Variants in KDM4B observed in about 807,000 individuals in gnomAD.
KDM4B encodes lysine demethylase 4B, also known as lysine-specific demethylase 4B.
In KDM4B, 32 loss-of-function variants were observed where a neutral mutation model predicts 125.2. The ratio of observed to expected loss-of-function variants is 0.26; its 90% CI spans 0.19 to 0.34. KDM4B has a LOEUF of 0.34. Among genes scored for constraint, KDM4B ranks in the 10% least tolerant of loss-of-function variants. KDM4B has a pLI of 1.00. For synonymous variants in KDM4B, 721 were observed against 677.9 expected, an observed-to-expected ratio of 1.06 and a Z score of -0.99; for missense variants, 1,190 against 1,577.7, an observed-to-expected ratio of 0.75 and a Z score of 4.16.
chr19:5,064,845 T>C (rs898472481), intron 6 of KDM4B, among the ~76,000 whole-genome samples: 2 of 152,102 alleles, frequency 1.3e-5, no homozygotes, highest in African/African-American at 4.8e-5. Context: ...GGTGGGGACA[T>C]GTGTGGCCGG....
intron 1 of KDM4B, among the ~76,000 whole-genome samples, chr19:4,972,188 T>G (rs1388373290): frequency 6.6e-6 from 1 of 152,192 alleles, no homozygotes; most frequent in Non-Finnish European, 1.5e-5. Flanking sequence ...CTGGTGGTCT[T>G]GACGACGTCT....
intron 1 of KDM4B, among the ~76,000 whole-genome samples, chr19:5,013,442 A>G (rs2035791635): frequency 6.6e-6 from 1 of 152,094 alleles, no homozygotes; most frequent in African/African-American, 2.4e-5. Context: ...GTGGCTGAAA[A>G]CAGCACCCGT....
chr19:5,084,861 C>T lies in KDM4B; in HGVS notation c.918+2357C>T, dbSNP rs376620232. Among the ~76,000 whole-genome samples, 28 of 151,560 alleles carry T rather than the reference C, an allele frequency of 1.8e-4. No homozygotes were observed. In the South Asian group the frequency reaches 5.4e-3, roughly 29 times the overall value. Reference sequence around the variant, plus strand: ...CTGTTTCATTTTACCCACCCTCCCCCGCCCGCCGCCCCGGCCCACCCTTTT... The same window carrying T: ...CTGTTTCATTTTACCCACCCTCCCCTGCCCGCCGCCCCGGCCCACCCTTTT... On this transcript the variant is annotated intron_variant, in intron 9 of 22. Transcript: ENST00000159111.
intron 1 of KDM4B, among the ~76,000 whole-genome samples, chr19:4,976,938 C>G (rs2034467439): frequency 6.6e-6 from 1 of 152,248 alleles, no homozygotes; most frequent in African/African-American, 2.4e-5. Flanking sequence ...TACGGTCATG[C>G]TTTCTTTCCT....
At chr19:5,050,556 C>T (rs1016065969) in intron 6 of KDM4B, among the ~76,000 whole-genome samples, 5 of 152,228 alleles carry the variant, frequency 3.3e-5, no homozygotes, top group African/African-American at 9.6e-5. Flanking sequence ...GTCCTGAAGG[C>T]TGTGCCCCAT....
At chr19:5,032,820 G>T (rs756681781) in intron 2 of KDM4B, 46 bp from the exon 3 acceptor site, 981 of 1,555,078 alleles carry the variant, frequency 6.3e-4, no homozygotes, top group Non-Finnish European at 7.8e-4. Context: ...CCAAGGGCTG[G>T]GCATGGCGGC....
At chr19:4,998,963 C>A (rs558264581) in intron 1 of KDM4B, among the ~76,000 whole-genome samples, 2 of 152,250 alleles carry the variant, frequency 1.3e-5, no homozygotes, top group Middle Eastern at 6.8e-3. Context: ...GTGATGTTAA[C>A]CTTGATCCTT....
At chr19:5,017,077 C>A (rs573802338) in intron 2 of KDM4B, among the ~76,000 whole-genome samples, 1 of 152,206 alleles carries the variant, frequency 6.6e-6, no homozygotes, top group African/African-American at 2.4e-5. Flanking sequence ...GCGGCGTCGC[C>A]CTTGGATTGT....
In KDM4B at chr19:5,115,662, C is replaced by T. The variant is rs551782106; in HGVS notation, c.1116-3991C>T. ...TGCACAGCAAAGAAGGGCAGAGCTC[C>T]GAGGAAAGAGGATGCAGTGAGTGCA... On this transcript the variant is annotated intron_variant, in intron 10 of 22. Coordinates refer to ENST00000159111, the MANE Select transcript of KDM4B (RefSeq NM_015015.3). This position sits in a 1 kb window ranked among gnomAD's most constrained non-coding sequence, Gnocchi z 4.2. Among the ~76,000 whole-genome samples the T allele has an allele frequency of 4.1e-4, 63 of 152,324 alleles. 1 individual carries two copies. The highest frequency in any genetic ancestry group is 1.4e-3 in the African/African-American group (57 of 41,568).
intron 11 of KDM4B, 26 bp from the exon 12 acceptor site, chr19:5,131,050 C>A: frequency 6.8e-7 from 1 of 1,472,928 alleles, no homozygotes; most frequent in East Asian, 2.3e-5. Flanking sequence ...GTTCTCCTCC[C>A]TGACCTCCCT....
At chr19:5,018,084 G>A (rs2035950038) in intron 2 of KDM4B, among the ~76,000 whole-genome samples, 2 of 152,124 alleles carry the variant, frequency 1.3e-5, no homozygotes, top group South Asian at 4.1e-4. Flanking sequence ...TGTCACCCAG[G>A]CTGGAGTGCA....
chr19:5,024,948 CA>C (rs1319472347), intron 2 of KDM4B, among the ~76,000 whole-genome samples: 4 of 152,132 alleles, frequency 2.6e-5, no homozygotes, highest in African/African-American at 9.7e-5. Context: ...GACTCCGTCT[CA>C]AAAAACAAAA....
At chr19:5,107,768 C>T (rs2039063292) in intron 9 of KDM4B, among the ~76,000 whole-genome samples, 1 of 152,258 alleles carries the variant, frequency 6.6e-6, no homozygotes, top group Non-Finnish European at 1.5e-5. Flanking sequence ...CTCACCAGCC[C>T]TAGCGGGTTT....
intron 1 of KDM4B, among the ~76,000 whole-genome samples, chr19:4,980,402 A>C (rs1228334102): frequency 6.8e-6 from 1 of 147,092 alleles, no homozygotes; most frequent in East Asian, 2.0e-4. Flanking sequence ...CATGTGTCAG[A>C]GCCTTGTCCC....
rs146502305 is a variant in KDM4B at position 5,119,764 on chromosome 19, G to T, written c.1227G>T (p.Lys409Asn). ...TAGAGGAGGCTGGGGGCAGCGTGAA[G>T]GAGGAGGCTGGGCCGGAGGTTGACC... The part of the protein sequence containing the change: ...ALLEEAGGSV[K>N]EEAGPEVDPE... The change falls in exon 11 of 23, where the codon AAG (lysine) becomes AAT (asparagine). Residue 409 changes from lysine (K) to asparagine (N), a missense_variant. Transcript: ENST00000159111. 9 of 1,547,098 alleles carry T rather than the reference G, an allele frequency of 5.8e-6. No homozygotes were observed. The African/African-American group carries it at 9.6e-5, about 16-fold the overall frequency.
At chr19:5,090,883 G>A (rs1186435079) in intron 9 of KDM4B, among the ~76,000 whole-genome samples, 3 of 151,878 alleles carry the variant, frequency 2.0e-5, no homozygotes, top group African/African-American at 7.3e-5. Context: ...TCCTGGGCCA[G>A]TGGCTTCGTG....
intron 9 of KDM4B, among the ~76,000 whole-genome samples, chr19:5,103,611 G>A (rs1599191560): frequency 6.6e-6 from 1 of 152,186 alleles, no homozygotes; most frequent in African/African-American, 2.4e-5. Flanking sequence ...GAACTCGACG[G>A]CCATCAATCC....
rs767033969 is a variant in KDM4B, at chr19:4,997,743, C to T, written c.-108-18514C>T. Among the ~76,000 whole-genome samples, 5 of 152,326 alleles carry T rather than the reference C, an allele frequency of 3.3e-5. No individual in the cohort carries two copies. Among genetic ancestry groups the T allele is most frequent in the Non-Finnish European group, 4.4e-5 (3 of 68,026 alleles). On this transcript the variant is annotated intron_variant, in intron 1 of 22. Transcript: ENST00000159111. This position sits in a 1 kb window ranked among gnomAD's most constrained non-coding sequence, Gnocchi z 4.2. ...TCAGAGTCATGCCTGCATGGGGGCTCCAGGACCTCGTCATCAGCCTCTTCA... is the reference window on the plus strand; with the variant it reads ...TCAGAGTCATGCCTGCATGGGGGCTTCAGGACCTCGTCATCAGCCTCTTCA...
intron 1 of KDM4B, among the ~76,000 whole-genome samples, chr19:4,977,754 C>T (rs2034498379): frequency 2.0e-5 from 3 of 152,132 alleles, no homozygotes; most frequent in Admixed American, 2.0e-4. Flanking sequence ...TGGGCTGTGC[C>T]CTCAGCCGGG....
Sources: allele counts gnomAD v4.1 joint callset (sites outside exome capture counted in the v4.1 genomes callset), GRCh38; gene constraint gnomAD v4.1.1; non-coding constraint Gnocchi (gnomAD v3.1); transcripts MANE v1.5; gene names NCBI Gene and HGNC (gene_info 2026-07-23, HGNC 2026-07-21).